ADH1A: variants seen among roughly 807,000 people sequenced by gnomAD.
ADH1A encodes alcohol dehydrogenase 1A (class I), alpha polypeptide.
ADH1A carries 29 observed loss-of-function variants against 35.2 expected under a neutral mutation model. That is an observed-to-expected ratio of 0.82 (90% CI 0.61 to 1.12). The LOEUF (loss-of-function observed/expected upper bound fraction) is 1.12, where lower values mean the gene tolerates loss of function less well. ADH1A is among the 50% of genes most tolerant of loss of function. The pLI, the probability that ADH1A is intolerant of heterozygous loss-of-function variation, is 0.00. For synonymous variants in ADH1A, 147 were observed against 164.8 expected (o/e 0.89, Z 0.83); for missense variants, 469 against 464.7 (o/e 1.01, Z -0.09).
At chr4:99,288,749 G>GCCTATGATGTGACAGGCA (rs1733218868) in intron 1 of ADH1A, 1 of 152,134 alleles carries the variant, frequency 6.6e-6, no homozygotes, top group Admixed American at 6.5e-5. Context: ...ATTATCAGGT[G>GCCTATGATGTGACAGGCA]CCTATGATGT....
At chr4:99,289,102 T>C (rs937481976) in intron 1 of ADH1A, among the ~76,000 whole-genome samples, 4 of 152,188 alleles carry the variant, frequency 2.6e-5, no homozygotes, top group Admixed American at 6.5e-5. Flanking sequence ...CTTAGAATAA[T>C]GGTCTCCAGC....
chr4:99,285,777 C>G (rs997784155), intron 3 of ADH1A, among the ~76,000 whole-genome samples: 1 of 151,894 alleles, frequency 6.6e-6, no homozygotes, highest in South Asian at 2.1e-4. Context: ...AATCCCAGCA[C>G]TTTGGGAGGC....
intron 5 of ADH1A, among the ~76,000 whole-genome samples, chr4:99,282,903 G>T (rs1344963404): frequency 2.0e-5 from 3 of 152,182 alleles, no homozygotes; most frequent in African/African-American, 7.2e-5. Flanking sequence ...CCAATGGGAA[G>T]GTCAGGCTGG....
chr4:99,280,239 C>A lies in ADH1A; in HGVS notation c.869G>T (p.Ser290Ile). Residue 290 changes from serine (S) to isoleucine (I), a missense_variant, in exon 7 of 9, where the codon AGT becomes ATT. Ser to Ile is a moderately radical substitution (Grantham distance 142). Transcript: ENST00000209668. ...ATCAGGAGGTACCCCTACGATGACA[C>A]TTGTGCCACATGCCTCATGACAACA... ...LLCCHEACGTSVIVGVPPDSQ... is the reference protein window; with the variant it reads ...LLCCHEACGTIVIVGVPPDSQ... The A allele has an allele frequency of 6.2e-7, 1 of 1,613,836 alleles. No individual in the cohort carries two copies. The highest frequency in any genetic ancestry group is 2.2e-5 in the East Asian group (1 of 44,876).
chr4:99,289,261 T>C (rs1405966464), intron 1 of ADH1A, among the ~76,000 whole-genome samples: 1 of 152,212 alleles, frequency 6.6e-6, no homozygotes, highest in Non-Finnish European at 1.5e-5. Context: ...AATTGCAAAT[T>C]GTGCTGCTAT....
chr4:99,283,404 G>A (rs541784491), intron 5 of ADH1A, among the ~76,000 whole-genome samples: 1 of 151,994 alleles, frequency 6.6e-6, no homozygotes, highest in Non-Finnish European at 1.5e-5. Context: ...CCCATAGTCC[G>A]CCTTCATTTT....
At chr4:99,286,817 A>G in intron 3 of ADH1A, 33 bp downstream of exon 3, 1 of 1,609,810 alleles carries the variant, frequency 6.2e-7, no homozygotes, top group African/African-American at 1.3e-5. Flanking sequence ...TAGGATGGTG[A>G]ACCATCATGT....
At chr4:99,276,872 C>A (rs1209922523) in intron 8 of ADH1A, among the ~76,000 whole-genome samples, 1 of 152,104 alleles carries the variant, frequency 6.6e-6, no homozygotes, top group Non-Finnish European at 1.5e-5. Flanking sequence ...CTGAGTATGC[C>A]TGTCATTTAG....
At position 99,280,181 on chromosome 4, in the gene ADH1A, T is replaced by TCAGG; in HGVS notation, c.926_927insCCTG (p.Gly312AspfsTer14). On this transcript the variant is annotated frameshift_variant, in exon 7 of 9. Transcript: ENST00000209668. LOFTEE classifies it high-confidence loss of function. ...CTCCCTTCCAGGTACGTCCAGTCAG[T>TCAGG]AGCAGCATAGGGTTCATTGAGAGGT... is the stretch of plus-strand genomic sequence containing the variant. 6.2e-7 allele frequency: 1 copy of TCAGG among 1,613,734 alleles called. No homozygotes were observed. Among genetic ancestry groups the TCAGG allele is most frequent in the Middle Eastern group, 1.6e-4 (1 of 6,062 alleles).
At chr4:99,282,243 C>T in intron 6 of ADH1A, 103 bp downstream of exon 6, 1 of 1,604,248 alleles carries the variant, frequency 6.2e-7, no homozygotes. Context: ...AATTTCCATT[C>T]ATCATTAAAA....
At chr4:99,279,690 T>A in intron 7 of ADH1A, 126 bp from the exon 8 acceptor site, 1 of 1,170,698 alleles carries the variant, frequency 8.5e-7, no homozygotes, top group South Asian at 1.4e-5. Context: ...CTGAGGTTAA[T>A]AAGAGATACA....
chr4:99,290,119 A>G (rs1733257516), intron 1 of ADH1A, among the ~76,000 whole-genome samples: 1 of 152,194 alleles, frequency 6.6e-6, no homozygotes, highest in African/African-American at 2.4e-5. Flanking sequence ...ATTATATTGT[A>G]TTACCACATG....
Position 99,284,659 on chromosome 4 carries a change from G to C in ADH1A, c.348-41C>G, listed in dbSNP as rs773845808. 5.0e-6 allele frequency: 8 copies of C among 1,613,334 alleles called. No homozygotes were observed. The East Asian group carries it at 1.3e-4, about 27-fold the overall frequency. ...CAAAGACACACAAAGGCATGAGACAGGACCATAACTAATGTGCAAACTCAA... is the reference window on the plus strand; with the variant it reads ...CAAAGACACACAAAGGCATGAGACACGACCATAACTAATGTGCAAACTCAA... On this transcript the variant is annotated intron_variant, in intron 4 of 8. Transcript: ENST00000209668.
Position 99,290,965 on chromosome 4 carries a change from T to A in ADH1A, c.-51A>T. 6.2e-7 allele frequency: 1 copy of A among 1,606,636 alleles called. No homozygotes were observed. Among genetic ancestry groups the A allele is most frequent in the Non-Finnish European group, 8.5e-7 (1 of 1,173,298 alleles). ...AGGAGACTGGTGAGTCCTTGTGGAT[T>A]TCTTCCCTGCTCAAGTGCATAAAGC... On this transcript the variant is annotated 5_prime_UTR_variant, in exon 1 of 9. Coordinates refer to ENST00000209668, the MANE Select transcript of ADH1A (RefSeq NM_000667.4).
intron 8 of ADH1A, 83 bp downstream of exon 8, chr4:99,279,343 A>G: frequency 6.7e-7 from 1 of 1,490,740 alleles, no homozygotes; most frequent in Non-Finnish European, 8.9e-7. Context: ...AATTTTTCTC[A>G]TCCTTCCACC....
At chr4:99,276,732 T>C in intron 8 of ADH1A, 84 bp from the exon 9 acceptor site, 1 of 1,325,232 alleles carries the variant, frequency 7.5e-7, no homozygotes, top group Non-Finnish European at 1.1e-6. Context: ...AATGACTTAG[T>C]GAAAATCTGT....
rs1733275116 is a variant in ADH1A, at chr4:99,290,982, G to T, written c.-68C>A. Reference sequence around the variant, plus strand: ...TTGTGGATTTCTTCCCTGCTCAAGTGCATAAAGCAGGTGTATTGCATAGGT... The same window carrying T: ...TTGTGGATTTCTTCCCTGCTCAAGTTCATAAAGCAGGTGTATTGCATAGGT... On this transcript the variant is annotated 5_prime_UTR_variant, in exon 1 of 9. Coordinates refer to ENST00000209668, the MANE Select transcript of ADH1A (RefSeq NM_000667.4). The T allele has an allele frequency of 6.5e-7, 1 of 1,547,498 alleles. No individual in the cohort carries two copies. Among genetic ancestry groups the T allele is most frequent in the Non-Finnish European group, 8.9e-7 (1 of 1,120,210 alleles).
intron 8 of ADH1A, 113 bp downstream of exon 8, chr4:99,279,313 T>C (rs1732940188): frequency 1.5e-6 from 2 of 1,354,486 alleles, no homozygotes; most frequent in Non-Finnish European, 2.0e-6. Context: ...GAACTGGTAA[T>C]GGAAGAACCA....
At chr4:99,278,001 G>A (rs1732910143) in intron 8 of ADH1A, among the ~76,000 whole-genome samples, 1 of 151,952 alleles carries the variant, frequency 6.6e-6, no homozygotes, top group Non-Finnish European at 1.5e-5. Flanking sequence ...AATTACTACT[G>A]AAAGTACATG....
Sources: gnomAD v4.1 joint callset for allele counts (sites outside exome capture counted in the v4.1 genomes callset) on GRCh38, gnomAD v4.1.1 for gene constraint, MANE v1.5 for transcripts, NCBI Gene and HGNC (gene_info 2026-07-23, HGNC 2026-07-21) for gene names.